PIK3C2G: variants seen among roughly 807,000 people sequenced by gnomAD.
PIK3C2G encodes phosphatidylinositol-4-phosphate 3-kinase catalytic subunit type 2 gamma.
In PIK3C2G, 168 loss-of-function variants were observed where a neutral mutation model predicts 181.1. The observed-to-expected ratio is 0.93, with a 90% CI of 0.82 to 1.05. The LOEUF (loss-of-function observed/expected upper bound fraction) is 1.05, where lower values mean the gene tolerates loss of function less well. Among genes scored for constraint, PIK3C2G ranks in the 50% least tolerant of loss-of-function variants. PIK3C2G has a pLI of 0.00. For missense variants in PIK3C2G, 1,869 were observed against 1,732.8 expected (o/e 1.08, Z -1.40); for synonymous variants, 573 against 592.2 (o/e 0.97, Z 0.47).
At chr12:18,719,630 T>G in the PIK3C2G span, 1 of 1,585,160 alleles carries the variant, frequency 6.3e-7, no homozygotes, top group Non-Finnish European at 8.6e-7. Context: ...TGTGCTTTCC[T>G]AACTAAAAAA....
chr12:18,623,948 T>A (rs1948981077), intron 31 of PIK3C2G, among the ~76,000 whole-genome samples: 1 of 151,786 alleles, frequency 6.6e-6, no homozygotes, highest in African/African-American at 2.4e-5. Context: ...ATCTTTTGAG[T>A]TATCTATATA....
At chr12:18,641,542 T>C (rs564355072) in intron 32 of PIK3C2G, among the ~76,000 whole-genome samples, 1 of 152,238 alleles carries the variant, frequency 6.6e-6, no homozygotes, top group South Asian at 2.1e-4. Context: ...TTTCCATTTC[T>C]CTACCACCTC....
intron 14 of PIK3C2G, among the ~76,000 whole-genome samples, chr12:18,383,354 T>C (rs1942964932): frequency 1.3e-5 from 2 of 152,200 alleles, no homozygotes; most frequent in African/African-American, 4.8e-5. Flanking sequence ...CACTCTGATG[T>C]AATGTGACAG....
the PIK3C2G span, among the ~76,000 whole-genome samples, chr12:18,661,833 T>C: frequency 2.2e-4 from 34 of 152,056 alleles, no homozygotes; most frequent in African/African-American, 7.0e-4. Context: ...TGTAGAAATA[T>C]TCACAATAGC....
chr12:18,670,904 C>T, the PIK3C2G span, among the ~76,000 whole-genome samples: 12 of 152,040 alleles, frequency 7.9e-5, no homozygotes, highest in South Asian at 2.1e-4. Flanking sequence ...CAGTTTCGGC[C>T]GGGCACAGTG....
upstream of PIK3C2G, among the ~76,000 whole-genome samples, chr12:18,246,485 A>C (rs2136933376): frequency 6.6e-6 from 1 of 152,244 alleles, no homozygotes; most frequent in African/African-American, 2.4e-5. Flanking sequence ...AAACAAGCTT[A>C]TTATAAAATA....
intron 24 of PIK3C2G, among the ~76,000 whole-genome samples, chr12:18,515,766 G>T (rs1258342181): frequency 6.6e-6 from 1 of 151,624 alleles, no homozygotes; most frequent in African/African-American, 2.4e-5. Context: ...GGCTTAGTTT[G>T]TTCCTGTTTT....
the PIK3C2G span, chr12:18,685,566 C>T: frequency 2.1e-6 from 1 of 485,818 alleles, no homozygotes; most frequent in South Asian, 1.5e-5. Flanking sequence ...CACAAGAGCA[C>T]ATTTACCACA....
chr12:18,265,426 A>G (rs10770345), intron 1 of PIK3C2G, among the ~76,000 whole-genome samples: 1 of 151,996 alleles, frequency 6.6e-6, no homozygotes, highest in African/African-American at 2.4e-5. Flanking sequence ...TGTAAAGTTA[A>G]TATTAGTTAA....
intron 32 of PIK3C2G, among the ~76,000 whole-genome samples, chr12:18,641,520 C>T (rs1949836155): frequency 6.6e-6 from 1 of 152,064 alleles, no homozygotes; most frequent in South Asian, 2.1e-4. Context: ...CCACTTATTT[C>T]TCTACCACTT....
At chr12:18,624,019 TTTTC>T (rs1229940566) in intron 31 of PIK3C2G, among the ~76,000 whole-genome samples, 1 of 151,748 alleles carries the variant, frequency 6.6e-6, no homozygotes, top group South Asian at 2.1e-4. Flanking sequence ...TTTTGATGAC[TTTTC>T]TTTCTTTCTC....
chr12:18,453,780 C>A (rs949527589), intron 18 of PIK3C2G, among the ~76,000 whole-genome samples: 2 of 152,064 alleles, frequency 1.3e-5, no homozygotes, highest in Non-Finnish European at 2.9e-5. Context: ...AAAAAGTATG[C>A]AAGTGAACAC....
rs192788635 is a variant in PIK3C2G at position 18,405,362 on chromosome 12, G to A, written c.2315+5515G>A. On this transcript the variant is annotated intron_variant, in intron 16 of 32. Transcript: ENST00000538779. ...GCTATAGAGAGGAAGTATAGAAAGA[G>A]GCCAGAGATGGAACTCTGGAGAACA... Among the ~76,000 whole-genome samples, 179 of 152,098 alleles carry A rather than the reference G, an allele frequency of 1.2e-3. 1 individual carries two copies. The highest frequency in any genetic ancestry group is 4.2e-3 in the African/African-American group (174 of 41,488).
intron 16 of PIK3C2G, among the ~76,000 whole-genome samples, chr12:18,409,542 A>G (rs961136716): frequency 3.9e-5 from 6 of 152,282 alleles, no homozygotes; most frequent in African/African-American, 1.2e-4. Context: ...AACTTAAAGT[A>G]TAATTTAAAA....
chr12:18,605,074 T>C (rs2136563257), intron 30 of PIK3C2G, among the ~76,000 whole-genome samples: 1 of 151,608 alleles, frequency 6.6e-6, no homozygotes, highest in Admixed American at 6.6e-5. Flanking sequence ...AACAAAAAAA[T>C]TACAAAAGAT....
the PIK3C2G span, chr12:18,693,253 T>G: frequency 6.5e-7 from 1 of 1,542,362 alleles, no homozygotes; most frequent in Admixed American, 1.7e-5. Flanking sequence ...GTGCATACCA[T>G]GATAGGGGTG....
Position 18,567,025 on chromosome 12 carries a change from C to G in PIK3C2G, c.3979C>G (p.Gln1327Glu), listed in dbSNP as rs757541096. The change falls in exon 29 of 33, where the codon CAG becomes GAG. Residue 1327 changes from glutamine (Q) to glutamate (E), a missense_variant. Transcript: ENST00000538779. ...RFRDLNHYME[Q>E]ILNVSHEVTN... ...CAGAGATCTAAATCATTACATGGAA[C>G]AGATATTAAATGTATCACATGAAGT... 1 of 1,549,816 alleles carries G rather than the reference C, an allele frequency of 6.5e-7. No individual in the cohort carries two copies. Among genetic ancestry groups the G allele is most frequent in the Non-Finnish European group, 8.9e-7 (1 of 1,123,216 alleles).
intron 29 of PIK3C2G, among the ~76,000 whole-genome samples, chr12:18,585,388 A>G (rs1299834253): frequency 6.6e-6 from 1 of 152,162 alleles, no homozygotes; most frequent in Non-Finnish European, 1.5e-5. Context: ...CAAGAGTTGT[A>G]ATCCTAATTT....
chr12:18,408,160 T>C (rs61556221), intron 16 of PIK3C2G, among the ~76,000 whole-genome samples: 16,948 of 152,176 alleles, frequency 0.11, 1,302 homozygotes, highest in Admixed American at 0.27. Context: ...CTGAATGGTA[T>C]TGCCTAGGTT....
Sources: allele counts gnomAD v4.1 joint callset (sites outside exome capture counted in the v4.1 genomes callset), GRCh38; gene constraint gnomAD v4.1.1; transcripts MANE v1.5; gene names NCBI Gene and HGNC (gene_info 2026-07-23, HGNC 2026-07-21).